Variants in RHBDD1 observed in about 807,000 individuals in gnomAD.
RHBDD1 encodes rhomboid-related protein 4.
Under a neutral mutation model 36.3 loss-of-function variants are expected in RHBDD1, and 38 were observed. The ratio of observed to expected loss-of-function variants is 1.05; its 90% CI spans 0.81 to 1.37. The LOEUF is 1.37. RHBDD1 is among the 40% of genes most tolerant of loss of function. The probability of loss-of-function intolerance (pLI) is 0.00; values close to 1 mark genes in which losing one functional copy is unlikely to be tolerated. For missense variants in RHBDD1, 393 were observed against 377.6 expected (o/e 1.04, Z -0.34); for synonymous variants, 151 against 136.5 (o/e 1.11, Z -0.74).
chr2:226,975,601 T>A (rs1403474071), intron 8 of RHBDD1, among the ~76,000 whole-genome samples: 2 of 152,184 alleles, frequency 1.3e-5, no homozygotes, highest in Non-Finnish European at 2.9e-5. Context: ...AAGAGGGGAA[T>A]CTGCTTGGAT....
chr2:226,827,130 G>GTA, the RHBDD1 span, among the ~76,000 whole-genome samples: 9 of 151,622 alleles, frequency 5.9e-5, no homozygotes, highest in Admixed American at 5.3e-4. Context: ...GCTACTTTTT[G>GTA]TATATATATA....
chr2:226,877,641 C>T (rs1273969399), intron 5 of RHBDD1, among the ~76,000 whole-genome samples: 3 of 149,862 alleles, frequency 2.0e-5, no homozygotes, highest in Admixed American at 6.7e-5. Flanking sequence ...ATGAAAACAA[C>T]GGCTCATTCA....
chr2:226,913,506 CA>C (rs1189292196), intron 7 of RHBDD1, among the ~76,000 whole-genome samples: 2 of 152,094 alleles, frequency 1.3e-5, no homozygotes, highest in African/African-American at 4.8e-5. Flanking sequence ...AAATATCTTC[CA>C]AAAATGAACT....
At chr2:226,922,239 ACT>A (rs1406888416) in intron 8 of RHBDD1, among the ~76,000 whole-genome samples, 60 of 113,036 alleles carry the variant, frequency 5.3e-4, no homozygotes, top group African/African-American at 2.0e-3. Flanking sequence ...ACGGAGTCTC[ACT>A]CTGTCGCCCA....
intron 8 of RHBDD1, among the ~76,000 whole-genome samples, chr2:226,963,046 T>G (rs1377088208): frequency 3.9e-5 from 6 of 152,166 alleles, no homozygotes; most frequent in Admixed American, 3.9e-4. Flanking sequence ...GTAGCATCCC[T>G]GGCCTCTACC....
chr2:226,918,475 C>T (rs1235231689), intron 8 of RHBDD1, among the ~76,000 whole-genome samples: 2 of 151,850 alleles, frequency 1.3e-5, no homozygotes, highest in Non-Finnish European at 2.9e-5. Context: ...TCATCCTCCA[C>T]CCCAGCATCT....
At chr2:226,898,528 T>A (rs10197757) in intron 5 of RHBDD1, among the ~76,000 whole-genome samples, 3 of 151,876 alleles carry the variant, frequency 2.0e-5, no homozygotes, top group African/African-American at 4.8e-5. Context: ...GTTTTACTTC[T>A]GAGGACAAAG....
At chr2:226,850,705 A>G (rs137886099) in intron 3 of RHBDD1, among the ~76,000 whole-genome samples, 1 of 152,158 alleles carries the variant, frequency 6.6e-6, no homozygotes, top group African/African-American at 2.4e-5. Flanking sequence ...GATTTTTAAG[A>G]GGCTCTGTGC....
intron 3 of RHBDD1, among the ~76,000 whole-genome samples, chr2:226,856,997 C>A (rs1456169358): frequency 6.6e-6 from 1 of 152,086 alleles, no homozygotes; most frequent in Non-Finnish European, 1.5e-5. Context: ...GCAGTCTTTG[C>A]AGTTTAACCA....
chr2:226,939,559 G>A (rs1056966100), intron 8 of RHBDD1, among the ~76,000 whole-genome samples: 2 of 152,100 alleles, frequency 1.3e-5, no homozygotes, highest in Non-Finnish European at 2.9e-5. Flanking sequence ...AGCTAACAAG[G>A]GAAGTGAAGG....
chr2:226,909,784 T>A (rs1268498738), intron 7 of RHBDD1, among the ~76,000 whole-genome samples: 3 of 152,088 alleles, frequency 2.0e-5, no homozygotes, highest in Non-Finnish European at 4.4e-5. Context: ...CTCCAGATTG[T>A]GACAAATTTC....
intron 5 of RHBDD1, among the ~76,000 whole-genome samples, chr2:226,869,750 TCA>T (rs1015046906): frequency 9.2e-5 from 14 of 152,234 alleles, no homozygotes; most frequent in South Asian, 2.1e-4. Flanking sequence ...CTTTTGCTTC[TCA>T]CAGTGTCTGT....
chr2:226,967,177 A>G (rs1415034665), intron 8 of RHBDD1, among the ~76,000 whole-genome samples: 2 of 152,160 alleles, frequency 1.3e-5, no homozygotes, highest in African/African-American at 4.8e-5. Flanking sequence ...AGTAAATTGC[A>G]TAAATCCCAC....
At chr2:226,931,392 A>G (rs1318885887) in intron 8 of RHBDD1, among the ~76,000 whole-genome samples, 1 of 152,122 alleles carries the variant, frequency 6.6e-6, no homozygotes, top group Non-Finnish European at 1.5e-5. Flanking sequence ...ACTCAGGAAT[A>G]GAAAACCAAA....
chr2:226,906,763 ACACT>A (rs768607491), intron 5 of RHBDD1, 26 bp from the exon 6 acceptor site: 9 of 1,613,908 alleles, frequency 5.6e-6, no homozygotes, highest in East Asian at 2.2e-5. Flanking sequence ...AGCAGAACAA[ACACT>A]CACAAAGGGT....
chr2:226,883,848 G>A (rs1945987298), intron 5 of RHBDD1, among the ~76,000 whole-genome samples: 1 of 152,188 alleles, frequency 6.6e-6, no homozygotes, highest in South Asian at 2.1e-4. Flanking sequence ...TCTGTTAACT[G>A]TATTTTACAG....
rs555745043 is a variant in RHBDD1 at position 226,884,259 on chromosome 2, G to A, written c.566+16941G>A. ...AAAGTCATGGGAGTTAAATAGGCATGAGGACTGTTTTCCATTTACATTCAG... is the reference window on the plus strand; with the variant it reads ...AAAGTCATGGGAGTTAAATAGGCATAAGGACTGTTTTCCATTTACATTCAG... On this transcript the variant is annotated intron_variant, in intron 5 of 8. Transcript: ENST00000392062. 2.3e-3 allele frequency among the ~76,000 whole-genome samples: 351 copies of A among 152,164 alleles called. 1 individual carries two copies. Among genetic ancestry groups the A allele is most frequent in the South Asian group, 3.9e-3 (19 of 4,824 alleles).
chr2:226,887,761 G>C (rs1200089109), intron 5 of RHBDD1, among the ~76,000 whole-genome samples: 1 of 152,206 alleles, frequency 6.6e-6, no homozygotes, highest in Non-Finnish European at 1.5e-5. Context: ...GCAGGCAGCA[G>C]AAAAATGACT....
intron 8 of RHBDD1, chr2:226,935,152 A>C (rs1314279107): frequency 2.6e-5 from 4 of 152,166 alleles, no homozygotes; most frequent in Non-Finnish European, 4.4e-5. Context: ...GGTGGAATAT[A>C]CTACAAAAGT....
Sources: allele counts gnomAD v4.1 joint callset (sites outside exome capture counted in the v4.1 genomes callset), GRCh38; gene constraint gnomAD v4.1.1; transcripts MANE v1.5; gene names NCBI Gene and HGNC (gene_info 2026-07-23, HGNC 2026-07-21).